SNTB2: variants seen among roughly 807,000 people sequenced by gnomAD.
SNTB2 encodes the protein syntrophin beta 2.
A neutral mutation model predicts 46.2 loss-of-function variants in SNTB2; 34 were observed. The observed-to-expected ratio is 0.74, with a 90% CI of 0.56 to 0.98. The LOEUF (loss-of-function observed/expected upper bound fraction) is 0.98, where lower values mean the gene tolerates loss of function less well. SNTB2 is among the 50% of genes least tolerant of loss of function. SNTB2 has a pLI of 0.00. For missense variants in SNTB2, 603 were observed against 731.4 expected (o/e 0.82, Z 2.02); for synonymous variants, 290 against 312.6 (o/e 0.93, Z 0.76).
At position 69,187,356 on chromosome 16, in the gene SNTB2, G is replaced by A. The variant is rs898058535; in HGVS notation, c.190G>A (p.Gly64Arg). 5.7e-6 allele frequency: 8 copies of A among 1,405,762 alleles called. No individual in the cohort carries two copies. The highest frequency in any genetic ancestry group is 7.4e-6 in the Non-Finnish European group (8 of 1,079,336). 87.1% of individuals were successfully genotyped at this position (1,405,762 alleles called of 1,614,324 possible). A position where few individuals can be genotyped will look rare whatever the true frequency, so the allele number is the denominator to read the frequency against. Residue 64 changes from glycine to arginine, a missense_variant, in exon 1 of 7, where the codon GGA becomes AGA. Around this residue, in one of 2 missense-constraint regions of SNTB2, gnomAD observed 537 missense variants for 692.4 expected, o/e 0.78. Coordinates refer to ENST00000336278, the MANE Select transcript of SNTB2 (RefSeq NM_006750.4). ...AAAAELEPAL[G>R]PAAAAFNGLP... ...CGCGGCCGAGCTGGAGCCCGCTCTG[G>A]GACCCGCGGCCGCCGCCTTCAACGG...
chr16:69,201,075 C>CT (rs1964156640), intron 1 of SNTB2, among the ~76,000 whole-genome samples: 1 of 152,178 alleles, frequency 6.6e-6, no homozygotes, highest in Non-Finnish European at 1.5e-5. Flanking sequence ...CTTTCAGGGC[C>CT]TCCAGGGGCC....
intron 1 of SNTB2, among the ~76,000 whole-genome samples, chr16:69,190,002 A>C (rs1964035190): frequency 6.6e-6 from 1 of 152,342 alleles, no homozygotes; most frequent in Admixed American, 6.5e-5. Flanking sequence ...TGAGGAAGTC[A>C]ATATAGTAGA....
intron 1 of SNTB2, among the ~76,000 whole-genome samples, chr16:69,209,251 C>G (rs1431768865): frequency 6.6e-6 from 1 of 152,182 alleles, no homozygotes; most frequent in African/African-American, 2.4e-5. Context: ...GCCACCATGC[C>G]TGGCCAAATT....
chr16:69,245,450 C>T, intron 1 of SNTB2, 152 bp from the exon 2 acceptor site: 3 of 704,570 alleles, frequency 4.3e-6, no homozygotes, highest in South Asian at 1.7e-5. Context: ...CCGCCTCGGC[C>T]TCCCAAAGTG....
chr16:69,261,139 T>C (rs1177835597), intron 3 of SNTB2, among the ~76,000 whole-genome samples: 2 of 152,040 alleles, frequency 1.3e-5, no homozygotes, highest in Non-Finnish European at 2.9e-5. Context: ...TTTCGAAACT[T>C]ACGTTTTGAA....
rs755539698 is a variant in SNTB2 at position 69,299,604 on chromosome 16, G to A, written c.1360G>A (p.Gly454Ser). 2 of 1,613,524 alleles carry A rather than the reference G, an allele frequency of 1.2e-6. No individual in the cohort carries two copies. The highest frequency in any genetic ancestry group is 1.3e-5 in the African/African-American group (1 of 74,886). Residue 454 changes from glycine to serine, a missense_variant, in exon 6 of 7, where the codon GGC becomes AGC. Coordinates refer to ENST00000336278, the MANE Select transcript of SNTB2 (RefSeq NM_006750.4). The part of the protein sequence containing the change: ...KEVSLGCMLN[G>S]QEVRLTIHYE... The stretch of plus-strand genomic sequence containing the variant: ...TTCTTCAACAGGCTGCATGTTAAAT[G>A]GCCAAGAGGTGAGGCTTACTATTCA...
intron 2 of SNTB2, among the ~76,000 whole-genome samples, chr16:69,252,091 T>C (rs1364006015): frequency 6.6e-6 from 1 of 152,220 alleles, no homozygotes; most frequent in Non-Finnish European, 1.5e-5. Context: ...TGGAATCTTT[T>C]TGTGGCTCAT....
At chr16:69,252,168 C>T (rs572533268) in intron 2 of SNTB2, among the ~76,000 whole-genome samples, 2 of 152,068 alleles carry the variant, frequency 1.3e-5, no homozygotes, top group Non-Finnish European at 2.9e-5. Context: ...AGGGAAATAC[C>T]CTTTTTTTCT....
At chr16:69,194,471 G>A (rs930836469) in intron 1 of SNTB2, among the ~76,000 whole-genome samples, 1 of 152,014 alleles carries the variant, frequency 6.6e-6, no homozygotes, top group Non-Finnish European at 1.5e-5. Context: ...GACAATTGCC[G>A]GCTGGTATAG....
At chr16:69,269,124 G>A (rs1326556451) in intron 3 of SNTB2, among the ~76,000 whole-genome samples, 2 of 151,346 alleles carry the variant, frequency 1.3e-5, no homozygotes, top group Non-Finnish European at 2.9e-5. Context: ...AGCCGAGATC[G>A]CACCATTGCA....
In SNTB2 at chr16:69,193,256, C is replaced by T. The variant is rs117384383; in HGVS notation, c.580+5510C>T. ...AAAAATGAAAAAAAAAAAAGTTACACCTTACACTTAGAAAAATTGGAAGCT... is the reference window on the plus strand; with the variant it reads ...AAAAATGAAAAAAAAAAAAGTTACATCTTACACTTAGAAAAATTGGAAGCT... On this transcript the variant is annotated intron_variant, in intron 1 of 6. Transcript: ENST00000336278. Among the ~76,000 whole-genome samples, 12 of 149,842 alleles carry T rather than the reference C, an allele frequency of 8.0e-5. No individual in the cohort carries two copies. The South Asian group carries it at 2.1e-3, about 26-fold the overall frequency.
chr16:69,300,806 T>C (rs1190579819), intron 6 of SNTB2, 26 bp from the exon 7 acceptor site: 1 of 1,465,864 alleles, frequency 6.8e-7, no homozygotes, highest in African/African-American at 1.4e-5. Flanking sequence ...AGTGAGGTAG[T>C]GATGCTTAGT....
At position 69,288,404 on chromosome 16, in the gene SNTB2, G is replaced by A. The variant is rs185900541; in HGVS notation, c.1345+4160G>A. ...AATAGACAAAAGAAACATATTTTTC[G>A]GTAATTTTACACTTTTTTGTTCTTA... On this transcript the variant is annotated intron_variant, in intron 5 of 6. Coordinates refer to ENST00000336278, the MANE Select transcript of SNTB2 (RefSeq NM_006750.4). Among the ~76,000 whole-genome samples, 273 of 152,112 alleles carry A rather than the reference G, an allele frequency of 1.8e-3. 1 individual carries two copies. Among genetic ancestry groups the A allele is most frequent in the Middle Eastern group, 0.014 (4 of 294 alleles).
chr16:69,217,401 G>A (rs557875236), intron 1 of SNTB2, among the ~76,000 whole-genome samples: 1 of 152,218 alleles, frequency 6.6e-6, no homozygotes, highest in African/African-American at 2.4e-5. Flanking sequence ...TTGAACCCAG[G>A]ACATTGAGGC....
chr16:69,241,556 G>T (rs1452085894), intron 1 of SNTB2, among the ~76,000 whole-genome samples: 1 of 151,046 alleles, frequency 6.6e-6, no homozygotes, highest in Non-Finnish European at 1.5e-5. Flanking sequence ...AGACTCCGAG[G>T]TGGGCAGATC....
rs1400577051 is a variant in SNTB2, at chr16:69,232,207, TC to T, written c.581-13394del. On this transcript the variant is annotated intron_variant, in intron 1 of 6. Transcript: ENST00000336278. ...TAAAAGGCCATAATTTTTTCTTTTT[TC>T]TTTTTTTTTTTTTTTGAGATGGAGT... is the stretch of plus-strand genomic sequence containing the variant. 7.5e-5 allele frequency among the ~76,000 whole-genome samples: 11 copies of T among 146,918 alleles called. No individual in the cohort carries two copies. In the East Asian group the frequency reaches 2.1e-3, roughly 28 times the overall value.
intron 1 of SNTB2, among the ~76,000 whole-genome samples, chr16:69,228,531 T>C (rs928204663): frequency 2.7e-5 from 4 of 146,164 alleles, no homozygotes; most frequent in Non-Finnish European, 6.0e-5. Flanking sequence ...AAAAAAAGAA[T>C]TTCATAAATT....
chr16:69,245,311 A>C (rs541202579), intron 1 of SNTB2, among the ~76,000 whole-genome samples: 80 of 152,238 alleles, frequency 5.3e-4, no homozygotes, highest in Non-Finnish European at 7.5e-4. Flanking sequence ...CTCCTGCCTC[A>C]GCTTCCTGAG....
intron 3 of SNTB2, among the ~76,000 whole-genome samples, chr16:69,263,881 G>C (rs1400343198): frequency 7.8e-6 from 1 of 128,786 alleles, no homozygotes; most frequent in Admixed American, 8.0e-5. Flanking sequence ...TTTTTTTTTT[G>C]AGGCAGAGTC....
Sources: gnomAD v4.1 joint callset for allele counts (sites outside exome capture counted in the v4.1 genomes callset) on GRCh38, gnomAD v4.1.1 for gene constraint, gnomAD v4.1.1 regional missense constraint, MANE v1.5 for transcripts, NCBI Gene and HGNC (gene_info 2026-07-23, HGNC 2026-07-21) for gene names.